Variants in PDSS2 observed in about 807,000 individuals in gnomAD.
The protein encoded by PDSS2 is all trans-polyprenyl-diphosphate synthase PDSS2.
In PDSS2, 31 loss-of-function variants were observed where a neutral mutation model predicts 44.5. The ratio of observed to expected loss-of-function variants is 0.70; its 90% confidence interval spans 0.52 to 0.94. The LOEUF (loss-of-function observed/expected upper bound fraction) is 0.94, where lower values mean the gene tolerates loss of function less well. PDSS2 is among the 40% of genes least tolerant of loss of function. The probability of loss-of-function intolerance (pLI) is 0.00; values close to 1 mark genes in which losing one functional copy is unlikely to be tolerated. For missense variants in PDSS2, 452 were observed against 482.2 expected, an observed-to-expected ratio of 0.94 and a Z score of 0.59; for synonymous variants, 157 against 180.3, an observed-to-expected ratio of 0.87 and a Z score of 1.03.
At chr6:107,389,248 A>G (rs319111) in intron 1 of PDSS2, among the ~76,000 whole-genome samples, 110,305 of 152,074 alleles carry the variant, frequency 0.73, 40,452 homozygotes, top group Middle Eastern at 0.8. Context: ...TCAGCCAACA[A>G]GTTGGCATTC....
chr6:107,208,285 CTTTTTTTTTTTTTT>C (rs1164014672), intron 6 of PDSS2, among the ~76,000 whole-genome samples: 4 of 53,304 alleles, frequency 7.5e-5, no homozygotes, highest in East Asian at 8.3e-4. Context: ...CATGCCTGGC[CTTTTTTTTTTTTTT>C]TTTTTTTTTT....
At position 107,228,715 on chromosome 6, in the gene PDSS2, TAAATAAACAAAC is replaced by T. The variant is rs1468759070; in HGVS notation, c.703-16445_703-16434del. Among the ~76,000 whole-genome samples, 304 of 116,246 alleles carry T rather than the reference TAAATAAACAAAC, an allele frequency of 2.6e-3. 2 individuals are homozygous for T. Among genetic ancestry groups the T allele is most frequent in the Admixed American group, 2.9e-3 (34 of 11,562 alleles). The allele number at this position is 116,246 out of a possible 152,430, so 76.3% of individuals were successfully genotyped here. Reference sequence around the variant, plus strand: ...ATCTCAAAATAAATAAATAAATAAATAAATAAACAAACAAACAAACAAACAAACAAACAAAAC... The same window carrying T: ...ATCTCAAAATAAATAAATAAATAAATAAACAAACAAACAAACAAACAAAAC... On this transcript the variant is annotated intron_variant, in intron 4 of 7. Coordinates refer to ENST00000369037, the MANE Select transcript of PDSS2 (RefSeq NM_020381.4).
intron 4 of PDSS2, among the ~76,000 whole-genome samples, chr6:107,229,462 T>C (rs891821024): frequency 4.6e-5 from 7 of 152,290 alleles, no homozygotes; most frequent in South Asian, 4.1e-4. Flanking sequence ...GGATTACAGG[T>C]GTGAGCAACT....
At chr6:107,181,022 T>A (rs1018309579) in intron 7 of PDSS2, among the ~76,000 whole-genome samples, 5 of 152,040 alleles carry the variant, frequency 3.3e-5, no homozygotes, top group African/African-American at 1.2e-4. Flanking sequence ...CTTTTGTATT[T>A]TTAGTAGAGG....
rs377270237 is a variant in PDSS2 at position 107,318,707 on chromosome 6, C to G, written c.431+15491G>C. Among the ~76,000 whole-genome samples the G allele has an allele frequency of 1.1e-4, 17 of 152,194 alleles. No homozygotes were observed. In the South Asian group the frequency reaches 3.3e-3, roughly 30 times the overall value. On this transcript the variant is annotated intron_variant, in intron 2 of 7. Transcript: ENST00000369037. Reference sequence around the variant, plus strand: ...ATTTAAATATACTCAGTTCATCGGCCGGGCACGGTGGCTCACGCCTGTAAT... The same window carrying G: ...ATTTAAATATACTCAGTTCATCGGCGGGGCACGGTGGCTCACGCCTGTAAT...
chr6:107,329,874 G>T (rs562020251), intron 2 of PDSS2, among the ~76,000 whole-genome samples: 1 of 151,836 alleles, frequency 6.6e-6, no homozygotes, highest in Non-Finnish European at 1.5e-5. Flanking sequence ...AGTGGCGGGC[G>T]CCTGTAATCC....
intron 4 of PDSS2, among the ~76,000 whole-genome samples, chr6:107,221,100 C>T (rs866318689): frequency 4.6e-5 from 7 of 152,070 alleles, no homozygotes; most frequent in Non-Finnish European, 7.4e-5. Flanking sequence ...CCCAACACTT[C>T]GGGAGGCCGA....
intron 6 of PDSS2, among the ~76,000 whole-genome samples, chr6:107,203,422 G>C (rs1258734759): frequency 1.3e-5 from 2 of 151,868 alleles, no homozygotes; most frequent in Non-Finnish European, 2.9e-5. Context: ...ACTCTGATTG[G>C]GCTTTTCTCT....
intron 4 of PDSS2, among the ~76,000 whole-genome samples, chr6:107,225,146 T>C (rs1773752599): frequency 2.8e-5 from 1 of 35,512 alleles, no homozygotes; most frequent in Non-Finnish European, 5.0e-5. Flanking sequence ...TTTATATATA[T>C]ATATATATAT....
chr6:107,211,478 T>A (rs1582792155), intron 5 of PDSS2, among the ~76,000 whole-genome samples: 1 of 152,146 alleles, frequency 6.6e-6, no homozygotes, highest in East Asian at 1.9e-4. Context: ...ACACCTGTAA[T>A]CCCAGCACTT....
At chr6:107,391,849 T>G (rs1377928950) in intron 1 of PDSS2, among the ~76,000 whole-genome samples, 1 of 126,312 alleles carries the variant, frequency 7.9e-6, no homozygotes, top group Non-Finnish European at 2.0e-5. Context: ...AAAAGATACA[T>G]GCTCATTTTT....
At position 107,212,129 on chromosome 6, in the gene PDSS2, G is replaced by T; in HGVS notation, c.856C>A (p.His286Asn). The change falls in exon 5 of 8, where the codon CAC becomes AAC. Residue 286 changes from histidine (H) to asparagine (N), a missense_variant. Transcript: ENST00000369037. ...VQNMAFQYGK[H>N]MAMSHKINSD... ...AGTACCTTATGACTCATGGCCATGT[G>T]CTTCCCATACTGAAATGCCATATTC... is the stretch of plus-strand genomic sequence containing the variant. 1.2e-6 allele frequency: 2 copies of T among 1,613,960 alleles called. No individual in the cohort carries two copies. The highest frequency in any genetic ancestry group is 2.2e-5 in the East Asian group (1 of 44,866).
intron 6 of PDSS2, among the ~76,000 whole-genome samples, chr6:107,198,108 T>G (rs1194427813): frequency 6.6e-6 from 1 of 152,252 alleles, no homozygotes; most frequent in Non-Finnish European, 1.5e-5. Context: ...ACTTTGTTTA[T>G]AGACTAATCA....
intron 1 of PDSS2, among the ~76,000 whole-genome samples, chr6:107,453,615 T>G (rs1781944542): frequency 6.6e-6 from 1 of 152,208 alleles, no homozygotes; most frequent in Non-Finnish European, 1.5e-5. Context: ...TTAATGCAGC[T>G]ATATAGTAAG....
At chr6:107,373,595 T>C (rs1327996814) in intron 1 of PDSS2, among the ~76,000 whole-genome samples, 2 of 152,296 alleles carry the variant, frequency 1.3e-5, no homozygotes, top group African/African-American at 4.8e-5. Context: ...ATCTACTTTT[T>C]CTACAAAAGT....
intron 1 of PDSS2, among the ~76,000 whole-genome samples, chr6:107,370,261 C>T (rs778391156): frequency 1.6e-4 from 24 of 152,288 alleles, no homozygotes; most frequent in Middle Eastern, 3.4e-3. Context: ...ACAAACTACT[C>T]GCAAGGTCTC....
intron 5 of PDSS2, 114 bp from the exon 6 acceptor site, chr6:107,210,684 G>A: frequency 1.4e-6 from 1 of 729,342 alleles, no homozygotes; most frequent in Middle Eastern, 3.8e-4. Context: ...AAGGAATGCA[G>A]TTTTTAGATA....
At chr6:107,265,087 TAAGA>T (rs1775371292) in intron 3 of PDSS2, among the ~76,000 whole-genome samples, 1 of 152,218 alleles carries the variant, frequency 6.6e-6, no homozygotes, top group Admixed American at 6.5e-5. Flanking sequence ...GCTATAATGG[TAAGA>T]AGACAATTAC....
intron 1 of PDSS2, among the ~76,000 whole-genome samples, chr6:107,446,271 G>C (rs1220595981): frequency 2.6e-5 from 4 of 151,620 alleles, no homozygotes; most frequent in Non-Finnish European, 4.4e-5. Context: ...AGTCAAGATT[G>C]CACCACTGCA....
Sources: gnomAD v4.1 joint callset for allele counts (sites outside exome capture counted in the v4.1 genomes callset) on GRCh38, gnomAD v4.1.1 for gene constraint, MANE v1.5 for transcripts, NCBI Gene and HGNC (gene_info 2026-07-23, HGNC 2026-07-21) for gene names.